Variants in CST6 observed in about 807,000 individuals in gnomAD.
CST6 encodes the protein cystatin-M.
CST6 carries 8 observed loss-of-function variants against 10.7 expected under a neutral mutation model. The ratio of observed to expected loss-of-function variants is 0.75; its 90% CI spans 0.44 to 1.34. CST6 has a LOEUF of 1.34. Among genes scored for constraint, CST6 ranks in the 40% most tolerant of loss-of-function variants. The probability of loss-of-function intolerance (pLI) is 0.01; values close to 1 mark genes in which losing one functional copy is unlikely to be tolerated. For synonymous variants in CST6, 100 were observed against 89.3 expected, an observed-to-expected ratio of 1.12 and a Z score of -0.68; for missense variants, 206 against 205.1, an observed-to-expected ratio of 1.00 and a Z score of -0.03.
In CST6 at chr11:66,012,147, G is replaced by A; in HGVS notation, c.103G>A (p.Val35Ile). The A allele has an allele frequency of 6.4e-7, 1 of 1,555,080 alleles. No individual in the cohort carries two copies. The highest frequency in any genetic ancestry group is 8.7e-7 in the Non-Finnish European group (1 of 1,154,068). Residue 35 changes from valine to isoleucine, a missense_variant, in exon 1 of 3, where the codon GTC becomes ATC. Physicochemically the swap from Val to Ile is conservative, Grantham distance 29. Coordinates refer to ENST00000312134, the MANE Select transcript of CST6 (RefSeq NM_001323.4). ...DARARPQERMVGELRDLSPDD... is the reference protein window; with the variant it reads ...DARARPQERMIGELRDLSPDD... ...CCGGGCCCGGCCGCAGGAGCGCATG[G>A]TCGGAGAACTCCGGGACCTGTCGCC...
intron 1 of CST6, 109 bp downstream of exon 1, chr11:66,012,393 C>A: frequency 7.6e-7 from 1 of 1,315,016 alleles, no homozygotes; most frequent in Non-Finnish European, 1.0e-6. Flanking sequence ...GGGATATTTT[C>A]ATGCAATATT....
In CST6 at chr11:66,012,923, G is replaced by T; in HGVS notation, c.338G>T (p.Cys113Phe). The T allele has an allele frequency of 1.2e-6, 2 of 1,613,650 alleles. No homozygotes were observed. Among genetic ancestry groups the T allele is most frequent in the Admixed American group, 3.3e-5 (2 of 60,002 alleles). Residue 113 changes from cysteine (C) to phenylalanine (F), a missense_variant, in exon 2 of 3, where the codon TGC (cysteine) becomes TTC (phenylalanine). Physicochemically the swap from Cys to Phe is radical, Grantham distance 205. Coordinates refer to ENST00000312134, the MANE Select transcript of CST6 (RefSeq NM_001323.4). ...GGAGACCACGTCGACCTCACCACTT[G>T]CCCCCTGGCAGCAGGGGCGCAGCAG... ...VTGDHVDLTT[C>F]PLAAGAQQEK...
intron 2 of CST6, 174 bp downstream of exon 2, chr11:66,013,125 C>T: frequency 9.6e-7 from 1 of 1,040,728 alleles, no homozygotes; most frequent in Non-Finnish European, 1.5e-6. Context: ...GAAGCTGGGG[C>T]TTCCCTCGGG....
At chr11:66,012,674 A>ACACCCCCC in intron 1 of CST6, 152 bp from the exon 2 acceptor site, 1 of 39,864 alleles carries the variant, frequency 2.5e-5, no homozygotes, top group Non-Finnish European at 5.8e-5. Flanking sequence ...TCCCCCCCCC[A>ACACCCCCC]CCCCCCCCCA....
chr11:66,012,685 C>CCCCCCCCCCCCCCCCCA, intron 1 of CST6, 141 bp from the exon 2 acceptor site: 1 of 27,820 alleles, frequency 3.6e-5, no homozygotes, highest in East Asian at 1.5e-3. Flanking sequence ...CCCCCCCCCA[C>CCCCCCCCCCCCCCCCCA]CCCCCCCCAC....
In CST6 at chr11:66,013,418, AGGCCATTG is replaced by A. The variant is rs1205031087; in HGVS notation, c.*21_*28del. Reference sequence around the variant, plus strand: ...AGATGTGATAAGTCCCCGAGGGCGAAGGCCATTGGGTTTGGGGCCATGGTGGAGGGCAC... The same window carrying A: ...AGATGTGATAAGTCCCCGAGGGCGAAGGTTTGGGGCCATGGTGGAGGGCAC... On this transcript the variant is annotated 3_prime_UTR_variant, in exon 3 of 3. Transcript: ENST00000312134. 6.2e-7 allele frequency: 1 copy of A among 1,607,918 alleles called. No homozygotes were observed. Among genetic ancestry groups the A allele is most frequent in the African/African-American group, 1.3e-5 (1 of 74,794 alleles).
Position 66,012,880 on chromosome 11 carries a change from C to T in CST6, c.295C>T (p.Arg99Cys), listed in dbSNP as rs774860377. ...GATGGAGATGGGGAGCACAGACTGC[C>T]GCAAGACCAGGGTCACTGGAGACCA... ...LTMEMGSTDCRKTRVTGDHVD... is the reference protein window; with the variant it reads ...LTMEMGSTDCCKTRVTGDHVD... Residue 99 changes from arginine to cysteine, a missense_variant, in exon 2 of 3, where the codon CGC becomes TGC. By Grantham distance (180) the Arg-to-Cys change is radical. Transcript: ENST00000312134. 61 of 1,613,312 alleles carry T rather than the reference C, an allele frequency of 3.8e-5. 1 individual carries two copies. In the Middle Eastern group the frequency reaches 4.9e-4, roughly 13 times the overall value.
intron 2 of CST6, 182 bp downstream of exon 2, chr11:66,013,133 G>C (rs749151918): frequency 4.0e-6 from 4 of 994,968 alleles, no homozygotes; most frequent in Non-Finnish European, 6.2e-6. Context: ...GGCTTCCCTC[G>C]GGAATGGGGA....
rs1856175206 is a variant in CST6, at chr11:66,012,262, A to G, written c.218A>G (p.His73Arg). ...AGCATCTACTACTTCCGAGACACGC[A>G]CATCATCAAGGCGCAGAGCCAGGTG... ...SNSIYYFRDT[H>R]IIKAQSQLVA... is the part of the protein sequence containing the mutation. The change falls in exon 1 of 3, where the codon CAC (histidine) becomes CGC (arginine). Residue 73 changes from histidine to arginine, a missense_variant. Physicochemically the swap from His to Arg is conservative, Grantham distance 29 (BLOSUM62 0). Coordinates refer to ENST00000312134, the MANE Select transcript of CST6 (RefSeq NM_001323.4). 1 of 1,604,940 alleles carries G rather than the reference A, an allele frequency of 6.2e-7. No homozygotes were observed. Among genetic ancestry groups the G allele is most frequent in the Non-Finnish European group, 8.5e-7 (1 of 1,175,272 alleles).
intron 2 of CST6, 172 bp from the exon 3 acceptor site, chr11:66,013,145 G>A (rs1046922992): frequency 7.2e-6 from 7 of 977,626 alleles, no homozygotes; most frequent in African/African-American, 6.4e-5. Context: ...GAATGGGGAA[G>A]TTGGCTACCA....
chr11:66,012,318 G>A (rs1312471702), intron 1 of CST6, 34 bp downstream of exon 1: 2 of 1,551,922 alleles, frequency 1.3e-6, no homozygotes, highest in Non-Finnish European at 8.7e-7. Flanking sequence ...GGGGACACCC[G>A]GCCCAGATGG....
intron 2 of CST6, 101 bp from the exon 3 acceptor site, chr11:66,013,216 C>G: frequency 1.7e-6 from 2 of 1,152,652 alleles, no homozygotes; most frequent in Non-Finnish European, 2.6e-6. Context: ...GATTGTCCCT[C>G]TCTTGGCCTG....
Position 66,012,159 on chromosome 11 carries a change from CG to C in CST6, c.118del (p.Asp40ThrfsTer50), listed in dbSNP as rs1447351817. On this transcript the variant is annotated frameshift_variant, in exon 1 of 3. Transcript: ENST00000312134. LOFTEE classifies it high-confidence loss of function. Reference protein sequence around the residue: ...RPQERMVGELRDLSPDDPQVQ... With the variant: ...RPQERMVGELXDLSPDDPQVQ... ...GCAGGAGCGCATGGTCGGAGAACTCCGGGACCTGTCGCCCGACGACCCGCAG... is the reference window on the plus strand; with the variant it reads ...GCAGGAGCGCATGGTCGGAGAACTCCGGACCTGTCGCCCGACGACCCGCAG... 6.4e-7 allele frequency: 1 copy of C among 1,558,950 alleles called. No homozygotes were observed. The highest frequency in any genetic ancestry group is 8.7e-7 in the Non-Finnish European group (1 of 1,155,330).
intron 1 of CST6, 58 bp from the exon 2 acceptor site, chr11:66,012,768 G>A (rs968889115): frequency 6.6e-7 from 1 of 1,522,242 alleles, no homozygotes; most frequent in Non-Finnish European, 8.9e-7. Flanking sequence ...ATATCAAGAG[G>A]TGAGAAGTGA....
At chr11:66,012,772 G>T (rs72930985) in intron 1 of CST6, 54 bp from the exon 2 acceptor site, 166 of 1,533,754 alleles carry the variant, frequency 1.1e-4, no homozygotes, top group Non-Finnish European at 1.4e-4. Flanking sequence ...CAAGAGGTGA[G>T]AAGTGAGGAT....
rs1039837358 is a variant in CST6 at position 66,012,099 on chromosome 11, C to T, written c.55C>T (p.Leu19Phe). The change falls in exon 1 of 3, where the codon CTC (leucine) becomes TTC (phenylalanine). Residue 19 changes from leucine (L) to phenylalanine (F), a missense_variant. Transcript: ENST00000312134. ...GGGCCTGGCCCTGGTCGCATTCTGCCTCCTGGCGCTGCCACGCGACGCCCG... is the reference window on the plus strand; with the variant it reads ...GGGCCTGGCCCTGGTCGCATTCTGCTTCCTGGCGCTGCCACGCGACGCCCG... ...ALGLALVAFC[L>F]LALPRDARAR... is the part of the protein sequence containing the mutation. 19 of 1,563,140 alleles carry T rather than the reference C, an allele frequency of 1.2e-5. No homozygotes were observed. Among genetic ancestry groups the T allele is most frequent in the Admixed American group, 5.5e-5 (3 of 54,124 alleles).
rs372586538 is a variant in CST6, at chr11:66,012,155, A to T, written c.111A>T (p.Glu37Asp). 4.8e-4 allele frequency: 748 copies of T among 1,557,400 alleles called. 1 individual carries two copies. Among genetic ancestry groups the T allele is most frequent in the Non-Finnish European group, 6.1e-4 (708 of 1,154,814 alleles). Reference protein sequence around the residue: ...RARPQERMVGELRDLSPDDPQ... With the variant: ...RARPQERMVGDLRDLSPDDPQ... ...GGCCGCAGGAGCGCATGGTCGGAGA[A>T]CTCCGGGACCTGTCGCCCGACGACC... Residue 37 changes from glutamate (E) to aspartate (D), a missense_variant, in exon 1 of 3, where the codon GAA (glutamate) becomes GAT (aspartate). By Grantham distance (45) the Glu-to-Asp change is conservative. Transcript: ENST00000312134.
chr11:66,012,810 T>A lies in CST6; in HGVS notation c.241-16T>A, dbSNP rs1167635658. The A allele has an allele frequency of 6.3e-7, 1 of 1,592,386 alleles. No individual in the cohort carries two copies. Among genetic ancestry groups the A allele is most frequent in the African/African-American group, 1.3e-5 (1 of 74,408 alleles). ...AGGGTCAAGACCCCTGACCTGCCCC[T>A]ACCCTATGCCCCCAGCTGGTGGCCG... is the stretch of plus-strand genomic sequence containing the variant. On this transcript the variant is annotated splice_polypyrimidine_tract_variant and intron_variant, in intron 1 of 2. Coordinates refer to ENST00000312134, the MANE Select transcript of CST6 (RefSeq NM_001323.4).
rs189042368 is a variant in CST6 at position 66,013,491 on chromosome 11, G to A, written c.*91G>A. The stretch of plus-strand genomic sequence containing the variant: ...CCGTATCTGTCACAATAAATGGCCA[G>A]TGCTGCTTCTTGCATTGGTTTCTTC... On this transcript the variant is annotated 3_prime_UTR_variant, in exon 3 of 3. Transcript: ENST00000312134. The A allele has an allele frequency of 3.9e-5, 41 of 1,049,932 alleles. No individual in the cohort carries two copies. Among genetic ancestry groups the A allele is most frequent in the African/African-American group, 3.6e-4 (23 of 63,986 alleles). The allele number at this position is 1,049,932 out of a possible 1,614,324, so 65.0% of individuals were successfully genotyped here.
Sources: gnomAD v4.1 joint callset for allele counts on GRCh38, gnomAD v4.1.1 for gene constraint, MANE v1.5 for transcripts, NCBI Gene and HGNC (gene_info 2026-07-23, HGNC 2026-07-21) for gene names.